GRIP1: variants seen among roughly 807,000 people sequenced by gnomAD.
The protein encoded by GRIP1 is glutamate receptor interacting protein 1.
A neutral mutation model predicts 129.9 loss-of-function variants in GRIP1; 45 were observed. The ratio of observed to expected loss-of-function variants is 0.35; its 90% CI spans 0.27 to 0.44. The LOEUF (loss-of-function observed/expected upper bound fraction) is 0.44, where lower values mean the gene tolerates loss of function less well. GRIP1 is among the 20% of genes least tolerant of loss of function. GRIP1 has a pLI of 1.00. For missense variants in GRIP1, 1,196 were observed against 1,396.8 expected (o/e 0.86, Z 2.29); for synonymous variants, 530 against 520.8 (o/e 1.02, Z -0.24).
intron 1 of GRIP1, among the ~76,000 whole-genome samples, chr12:66,859,266 AAC>A (rs1491008498): frequency 0.028 from 350 of 12,610 alleles, 18 homozygotes; most frequent in Non-Finnish European, 0.23. Context: ...TCTGAAAAAA[AAC>A]AAAAAAACAA....
Position 66,989,071 on chromosome 12 carries a change from C to T in GRIP1, c.58+79979G>A, listed in dbSNP as rs1052072332. ...GTCCCCTAAGAAAGATATTATTAGTCTCATAGGACACCTTATAAAAGAGAC... is the reference window on the plus strand; with the variant it reads ...GTCCCCTAAGAAAGATATTATTAGTTTCATAGGACACCTTATAAAAGAGAC... On this transcript the variant is annotated intron_variant, in intron 1 of 1. Coordinates refer to the GRIP1 transcript ENST00000643019. Among the ~76,000 whole-genome samples the T allele has an allele frequency of 2.0e-5, 3 of 152,276 alleles. 1 individual carries two copies. Among genetic ancestry groups the T allele is most frequent in the Admixed American group, 2.0e-4 (3 of 15,294 alleles).
intron 15 of GRIP1, among the ~76,000 whole-genome samples, chr12:66,409,355 G>A (rs961215769): frequency 5.3e-5 from 8 of 152,222 alleles, no homozygotes; most frequent in African/African-American, 1.9e-4. Flanking sequence ...CTGTTTGGAA[G>A]AAAAGGAAGA....
chr12:66,419,333 G>A (rs1592819995), intron 15 of GRIP1, among the ~76,000 whole-genome samples: 1 of 152,104 alleles, frequency 6.6e-6, no homozygotes, highest in Non-Finnish European at 1.5e-5. Context: ...GGGGAAAGTA[G>A]GGATGGTTAA....
At chr12:66,639,744 T>C (rs1025206341) in intron 1 of GRIP1, among the ~76,000 whole-genome samples, 2 of 152,236 alleles carry the variant, frequency 1.3e-5, no homozygotes, top group African/African-American at 2.4e-5. Flanking sequence ...GTAAAAAACA[T>C]CTGCTTCAAA....
chr12:66,514,155 T>G (rs12099994), intron 7 of GRIP1, among the ~76,000 whole-genome samples: 38,212 of 152,128 alleles, frequency 0.25, 4,887 homozygotes, highest in Middle Eastern at 0.32. Flanking sequence ...TTACTGTCTG[T>G]TTTTCCTATC....
At chr12:66,407,927 CAG>C (rs1451760614) in intron 15 of GRIP1, among the ~76,000 whole-genome samples, 1 of 152,120 alleles carries the variant, frequency 6.6e-6, no homozygotes, top group African/African-American at 2.4e-5. Context: ...TCACAACTCC[CAG>C]AGAGAGTCCT....
At chr12:66,887,046 A>G (rs1462009506) in intron 1 of GRIP1, among the ~76,000 whole-genome samples, 1 of 152,200 alleles carries the variant, frequency 6.6e-6, no homozygotes, top group Non-Finnish European at 1.5e-5. Context: ...TCAAATCTGG[A>G]AAGTTGGGGA....
chr12:66,638,121 A>G (rs991709199), intron 1 of GRIP1, among the ~76,000 whole-genome samples: 3 of 152,204 alleles, frequency 2.0e-5, no homozygotes, highest in South Asian at 2.1e-4. Context: ...GAATGAGAAC[A>G]TAGTTGTTCT....
At chr12:66,493,237 C>A (rs916308092) in intron 7 of GRIP1, among the ~76,000 whole-genome samples, 2 of 152,132 alleles carry the variant, frequency 1.3e-5, no homozygotes, top group Non-Finnish European at 2.9e-5. Flanking sequence ...TAGACTGTAG[C>A]ATTGCTCAGC....
chr12:66,769,543 T>A (rs1449495585), intron 1 of GRIP1, among the ~76,000 whole-genome samples: 1 of 152,188 alleles, frequency 6.6e-6, no homozygotes, highest in Non-Finnish European at 1.5e-5. Context: ...ACTGCATTAT[T>A]CTGTGGGCCA....
chr12:66,473,385 C>A (rs1354776833), intron 7 of GRIP1, among the ~76,000 whole-genome samples: 27 of 152,206 alleles, frequency 1.8e-4, no homozygotes, highest in Admixed American at 1.8e-3. Context: ...GGGGAAGGGG[C>A]AGCTATGGGT....
intron 11 of GRIP1, among the ~76,000 whole-genome samples, chr12:66,451,360 C>G (rs888170520): frequency 1.5e-5 from 2 of 135,258 alleles, no homozygotes; most frequent in South Asian, 2.3e-4. Flanking sequence ...ACTAAGGACC[C>G]CAAAGATTTA....
In GRIP1 at chr12:66,392,669, C is replaced by T. The variant is rs755396456; in HGVS notation, c.2269+8G>A. 6.2e-7 allele frequency: 1 copy of T among 1,613,996 alleles called. No homozygotes were observed. Among genetic ancestry groups the T allele is most frequent in the Non-Finnish European group, 8.5e-7 (1 of 1,179,828 alleles). On this transcript the variant is annotated splice_region_variant and intron_variant, in intron 18 of 24. Coordinates refer to ENST00000359742, the MANE Select transcript of GRIP1 (RefSeq NM_001366722.1). ...ATCCTTAATTGTGGCTTTCAATTCACTACTCACCATCTGTCTGTTTCTTAA... is the reference window on the plus strand; with the variant it reads ...ATCCTTAATTGTGGCTTTCAATTCATTACTCACCATCTGTCTGTTTCTTAA...
intron 1 of GRIP1, among the ~76,000 whole-genome samples, chr12:66,639,454 T>C (rs1278009510): frequency 6.6e-6 from 1 of 152,070 alleles, no homozygotes; most frequent in Non-Finnish European, 1.5e-5. Flanking sequence ...ACAGGCTGGA[T>C]GGGTGAGGGA....
At chr12:67,044,615 A>G (rs1002163529) in intron 1 of GRIP1, among the ~76,000 whole-genome samples, 5 of 152,178 alleles carry the variant, frequency 3.3e-5, no homozygotes, top group Non-Finnish European at 5.9e-5. Context: ...TGTATTATGT[A>G]TAACAATTGC....
In GRIP1 at chr12:66,709,758, C is replaced by T. The variant is rs374340250; in HGVS notation, c.-419-79422G>A. 3.3e-5 allele frequency among the ~76,000 whole-genome samples: 5 copies of T among 151,954 alleles called. No individual in the cohort carries two copies. The East Asian group carries it at 5.8e-4, about 18-fold the overall frequency. ...AATGTCAGTACTCACCTAAGTCTAA[C>T]AATTTAGCAGCACAAGTGCAGGAGC... is the stretch of plus-strand genomic sequence containing the variant. On this transcript the variant is annotated intron_variant, in intron 1 of 4. Transcript: ENST00000538373.
intron 1 of GRIP1, among the ~76,000 whole-genome samples, chr12:67,045,353 A>G (rs568435180): frequency 6.6e-6 from 1 of 152,366 alleles, no homozygotes; most frequent in South Asian, 2.1e-4. Context: ...TTAAGAAAGC[A>G]GGAGAATCCT....
chr12:66,449,949 A>G (rs143447160), intron 11 of GRIP1, among the ~76,000 whole-genome samples: 2 of 152,112 alleles, frequency 1.3e-5, no homozygotes, highest in East Asian at 3.9e-4. Context: ...CGGACTACTT[A>G]ATTGGAGTTA....
chr12:66,857,210 C>G (rs2040021732), intron 1 of GRIP1, among the ~76,000 whole-genome samples: 2 of 150,740 alleles, frequency 1.3e-5, no homozygotes, highest in South Asian at 4.3e-4. Flanking sequence ...ACATCACACA[C>G]CGGGGCCTGT....
Sources: gnomAD v4.1 joint callset for allele counts (sites outside exome capture counted in the v4.1 genomes callset) on GRCh38, gnomAD v4.1.1 for gene constraint, MANE v1.5 for transcripts, NCBI Gene and HGNC (gene_info 2026-07-23, HGNC 2026-07-21) for gene names.